SCN1A: variants seen among roughly 807,000 people sequenced by gnomAD.
SCN1A encodes the protein sodium voltage-gated channel alpha subunit 1.
A neutral mutation model predicts 193.7 loss-of-function variants in SCN1A; 13 were observed. The ratio of observed to expected loss-of-function variants is 0.07; its 90% CI spans 0.04 to 0.11. SCN1A has a LOEUF of 0.11. SCN1A is among the 10% of genes least tolerant of loss of function. SCN1A has a pLI of 1.00. For synonymous variants in SCN1A, 781 were observed against 843.6 expected (o/e 0.93, Z 1.29); for missense variants, 1,432 against 2,451.1 (o/e 0.58, Z 8.78).
intron 4 of SCN1A, among the ~76,000 whole-genome samples, chr2:166,061,702 T>A (rs1283033068): frequency 1.3e-5 from 2 of 152,072 alleles, no homozygotes; most frequent in African/African-American, 4.8e-5. Context: ...ACGTGTCAAT[T>A]TAAAAAATAA....
chr2:166,046,651 A>G (rs1314094755), intron 12 of SCN1A, 119 bp downstream of exon 12: 8 of 930,540 alleles, frequency 8.6e-6, no homozygotes, highest in African/African-American at 1.7e-5. Context: ...TCATCAAAAT[A>G]TAGAAATCAT....
At chr2:166,094,095 T>C (rs1366024444) in intron 2 of SCN1A, among the ~76,000 whole-genome samples, 1 of 152,126 alleles carries the variant, frequency 6.6e-6, no homozygotes, top group African/African-American at 2.4e-5. Context: ...TTTCAAGTAC[T>C]TGGACAAATA....
rs761432284 is a variant in SCN1A at position 165,990,933 on chromosome 2, A to C, written c.*312T>G. 11 of 315,012 alleles carry C rather than the reference A, an allele frequency of 3.5e-5. No homozygotes were observed. The highest frequency in any genetic ancestry group is 9.7e-4 in the Middle Eastern group (1 of 1,034). The allele number at this position is 315,012 out of a possible 1,614,324, so 19.5% of individuals were successfully genotyped here. On this transcript the variant is annotated 3_prime_UTR_variant, in exon 29 of 29. Transcript: ENST00000674923. Reference sequence around the variant, plus strand: ...TACACTAAAGTGTTTCATGTTAAACAACCCCAAAATCACAGGTTTGCACCC... The same window carrying C: ...TACACTAAAGTGTTTCATGTTAAACCACCCCAAAATCACAGGTTTGCACCC...
intron 4 of SCN1A, among the ~76,000 whole-genome samples, chr2:166,063,613 T>C (rs2105938114): frequency 6.6e-6 from 1 of 152,180 alleles, no homozygotes; most frequent in East Asian, 1.9e-4. Context: ...ATAGAAGAAT[T>C]GATGAAGGTT....
intron 4 of SCN1A, among the ~76,000 whole-genome samples, chr2:166,071,063 A>C (rs1684369192): frequency 6.6e-6 from 1 of 152,218 alleles, no homozygotes; most frequent in Admixed American, 6.5e-5. Flanking sequence ...CAGCCTCTGA[A>C]TAAACTAAAA....
intron 2 of SCN1A, among the ~76,000 whole-genome samples, chr2:166,087,371 C>T (rs1686254701): frequency 6.6e-6 from 1 of 152,052 alleles, no homozygotes; most frequent in Non-Finnish European, 1.5e-5. Context: ...GAGGATGAGG[C>T]AGGAGAATCG....
intron 19 of SCN1A, among the ~76,000 whole-genome samples, chr2:166,020,823 A>C (rs201780170): frequency 6.7e-6 from 1 of 149,418 alleles, no homozygotes; most frequent in East Asian, 1.9e-4. Flanking sequence ...CCTCTGGGGG[A>C]AAAAAAAAAC....
chr2:166,015,082 G>C (rs938512756), intron 20 of SCN1A, among the ~76,000 whole-genome samples: 1 of 151,842 alleles, frequency 6.6e-6, no homozygotes, highest in Non-Finnish European at 1.5e-5. Context: ...AATATTAGTT[G>C]TAGGAAAAAC....
intron 8 of SCN1A, among the ~76,000 whole-genome samples, chr2:166,052,322 G>A (rs1323905609): frequency 6.6e-6 from 1 of 151,852 alleles, no homozygotes; most frequent in Non-Finnish European, 1.5e-5. Context: ...AGGGTCAGAG[G>A]TCAGTTTTAT....
chr2:166,117,957 T>C (rs1690051925), intron 2 of SCN1A, among the ~76,000 whole-genome samples: 2 of 104,040 alleles, frequency 1.9e-5, no homozygotes, highest in Admixed American at 1.3e-4. Flanking sequence ...AGTGAGACTC[T>C]GTCTCAAAAA....
At chr2:166,034,138 C>T (rs1344755046) in intron 19 of SCN1A, among the ~76,000 whole-genome samples, 1 of 151,958 alleles carries the variant, frequency 6.6e-6, no homozygotes, top group Non-Finnish European at 1.5e-5. Context: ...GAATCTATTT[C>T]CATAGACATG....
chr2:166,146,742 G>C (rs956431598), intron 1 of SCN1A, among the ~76,000 whole-genome samples: 2 of 152,144 alleles, frequency 1.3e-5, no homozygotes, highest in African/African-American at 4.8e-5. Context: ...TGAACAAACA[G>C]ATAAGTCCTC....
chr2:165,991,712 G>C lies in SCN1A; in HGVS notation c.5563C>G (p.Pro1855Ala), dbSNP rs794727415. ...NKLQLIAMDL[P>A]MVSGDRIHCL... ...TGGATCCGGTCACCACTCACCATGG[G>C]CAAATCCATGGCAATGAGCTGGAGT... The change falls in exon 29 of 29, where the codon CCC becomes GCC. Residue 1855 changes from proline (P) to alanine (A), a missense_variant. By Grantham distance (27) the Pro-to-Ala change is conservative. Transcript: ENST00000674923. 1 of 1,613,774 alleles carries C rather than the reference G, an allele frequency of 6.2e-7. No individual in the cohort carries two copies. Among genetic ancestry groups the C allele is most frequent in the East Asian group, 2.2e-5 (1 of 44,858 alleles).
chr2:165,995,588 GTTA>G (rs1263802474), intron 27 of SCN1A, among the ~76,000 whole-genome samples: 1 of 151,746 alleles, frequency 6.6e-6, no homozygotes, highest in Non-Finnish European at 1.5e-5. Flanking sequence ...GAAGTAAGGT[GTTA>G]TTTCACTCAA....
Position 166,120,596 on chromosome 2 carries a change from CTTTTTTTTTTTTTT to C in SCN1A, c.-142+6314_-142+6327del, listed in dbSNP as rs57044851. On this transcript the variant is annotated intron_variant, in intron 2 of 28. Coordinates refer to ENST00000674923, the MANE Select transcript of SCN1A (RefSeq NM_001165963.4). ...TAGACTGTTTTCTTTTTTCTTTTCT[CTTTTTTTTTTTTTT>C]TTTTTTTTTTTTTTGAGACAGAGTC... Among the ~76,000 whole-genome samples the C allele has an allele frequency of 9.7e-3, 706 of 72,550 alleles. 8 individuals carry two copies. Among genetic ancestry groups the C allele is most frequent in the African/African-American group, 0.036 (662 of 18,444 alleles). 47.6% of individuals were successfully genotyped at this position (72,550 alleles called of 152,430 possible). A position where few individuals can be genotyped will look rare whatever the true frequency, so the allele number is the denominator to read the frequency against.
chr2:166,056,101 C>A (rs544111036), intron 6 of SCN1A, among the ~76,000 whole-genome samples: 1 of 152,004 alleles, frequency 6.6e-6, no homozygotes, highest in Non-Finnish European at 1.5e-5. Flanking sequence ...GAACCAATGT[C>A]TACCATATTG....
intron 24 of SCN1A, among the ~76,000 whole-genome samples, chr2:166,001,111 C>T (rs995001438): frequency 2.0e-5 from 3 of 151,562 alleles, no homozygotes; most frequent in African/African-American, 7.3e-5. Flanking sequence ...CATGTGTCGA[C>T]AATTTTTAAA....
At chr2:166,001,410 A>T (rs1285022097) in intron 24 of SCN1A, among the ~76,000 whole-genome samples, 1 of 151,818 alleles carries the variant, frequency 6.6e-6, no homozygotes, top group Non-Finnish European at 1.5e-5. Flanking sequence ...TTGTAAAGTA[A>T]TCATAGTTGA....
At chr2:166,055,811 A>G (rs1279113316) in intron 6 of SCN1A, among the ~76,000 whole-genome samples, 9 of 152,006 alleles carry the variant, frequency 5.9e-5, no homozygotes, top group Admixed American at 5.3e-4. Context: ...GAGATCATCA[A>G]TATAGTTAGT....
Sources: gnomAD v4.1 joint callset for allele counts (sites outside exome capture counted in the v4.1 genomes callset) on GRCh38, gnomAD v4.1.1 for gene constraint, MANE v1.5 for transcripts, NCBI Gene and HGNC (gene_info 2026-07-23, HGNC 2026-07-21) for gene names.